The following GPC5 variants were observed in gnomAD, a reference collection of about 807,000 sequenced individuals.
The protein encoded by GPC5 is glypican-5.
Under a neutral mutation model 53.9 loss-of-function variants are expected in GPC5, and 47 were observed. The ratio of observed to expected loss-of-function variants is 0.87; its 90% confidence interval spans 0.69 to 1.11. The LOEUF is 1.11. Among genes scored for constraint, GPC5 ranks in the 50% most tolerant of loss-of-function variants. The probability of loss-of-function intolerance (pLI) is 0.00; values close to 1 mark genes in which losing one functional copy is unlikely to be tolerated. For missense variants in GPC5, 748 were observed against 713.1 expected, an observed-to-expected ratio of 1.05 and a Z score of -0.56; for synonymous variants, 286 against 263.3, an observed-to-expected ratio of 1.09 and a Z score of -0.84.
intron 5 of GPC5, among the ~76,000 whole-genome samples, chr13:91,780,996 C>T (rs910522577): frequency 2.0e-5 from 3 of 152,038 alleles, no homozygotes; most frequent in African/African-American, 4.8e-5. Flanking sequence ...GGAAGAAAAG[C>T]GAAGGAAAAG....
intron 7 of GPC5, among the ~76,000 whole-genome samples, chr13:92,417,956 A>T (rs116612466): frequency 0.016 from 2,475 of 152,328 alleles, 68 homozygotes; most frequent in African/African-American, 0.056. Context: ...ATATAATCAT[A>T]CAATAGAATC....
chr13:91,464,925 T>G (rs1882146030), intron 2 of GPC5, among the ~76,000 whole-genome samples: 1 of 152,150 alleles, frequency 6.6e-6, no homozygotes, highest in Admixed American at 6.6e-5. Flanking sequence ...ATGCTTCCCC[T>G]GGGGGAGGCT....
chr13:91,694,097 G>C (rs1054086352), intron 3 of GPC5, among the ~76,000 whole-genome samples: 1 of 152,164 alleles, frequency 6.6e-6, no homozygotes, highest in Admixed American at 6.5e-5. Flanking sequence ...CGTGGCAAGA[G>C]CTCAGGTTTG....
chr13:92,739,981 A>G (rs957166647), intron 7 of GPC5, among the ~76,000 whole-genome samples: 2 of 152,072 alleles, frequency 1.3e-5, no homozygotes, highest in African/African-American at 4.8e-5. Context: ...CAAAGTCACC[A>G]GTGACTTCCA....
chr13:92,568,398 A>G (rs1428578984), intron 7 of GPC5, among the ~76,000 whole-genome samples: 1 of 152,170 alleles, frequency 6.6e-6, no homozygotes, highest in Non-Finnish European at 1.5e-5. Flanking sequence ...TAAAAAAGAC[A>G]ATTAGATTTA....
At chr13:91,563,050 A>T (rs2031355515) in intron 2 of GPC5, among the ~76,000 whole-genome samples, 1 of 152,124 alleles carries the variant, frequency 6.6e-6, no homozygotes, top group African/African-American at 2.4e-5. Flanking sequence ...GCTTAGGTTT[A>T]TTACTATTGG....
chr13:91,572,201 GTATATATACGTGTA>G (rs2031935280), intron 2 of GPC5, among the ~76,000 whole-genome samples: 5 of 124,042 alleles, frequency 4.0e-5, no homozygotes, highest in Admixed American at 2.3e-4. Flanking sequence ...ACACACATAT[GTATATATACGTGTA>G]TATATATACA....
intron 6 of GPC5, among the ~76,000 whole-genome samples, chr13:92,060,434 C>G (rs1490652596): frequency 1.3e-5 from 2 of 151,928 alleles, no homozygotes; most frequent in African/African-American, 2.4e-5. Context: ...TTCGATTTCC[C>G]ATTATTTCAC....
intron 6 of GPC5, among the ~76,000 whole-genome samples, chr13:92,097,073 G>C (rs935449797): frequency 6.6e-6 from 1 of 152,172 alleles, no homozygotes; most frequent in Non-Finnish European, 1.5e-5. Context: ...TGTCTTAGAC[G>C]TATGAATGTT....
intron 2 of GPC5, among the ~76,000 whole-genome samples, chr13:91,621,865 A>G (rs746917265): frequency 6.0e-5 from 9 of 150,628 alleles, no homozygotes; most frequent in Non-Finnish European, 7.4e-5. Flanking sequence ...CAAGCTGAAG[A>G]GCAAGGAAGC....
intron 7 of GPC5, among the ~76,000 whole-genome samples, chr13:92,543,584 C>T (rs983737094): frequency 6.6e-6 from 1 of 151,896 alleles, no homozygotes; most frequent in South Asian, 2.1e-4. Context: ...TGCAGGGTGC[C>T]ACTTCAGTTT....
At chr13:92,010,799 A>G (rs1040179317) in intron 6 of GPC5, among the ~76,000 whole-genome samples, 2 of 152,228 alleles carry the variant, frequency 1.3e-5, no homozygotes, top group African/African-American at 4.8e-5. Context: ...CACACGAGGC[A>G]CCAACCATGA....
At chr13:92,164,549 CG>C (rs554457353) in intron 7 of GPC5, among the ~76,000 whole-genome samples, 85 of 152,290 alleles carry the variant, frequency 5.6e-4, no homozygotes, top group African/African-American at 2.0e-3. Flanking sequence ...TTCATTCCTT[CG>C]ACTTTGCAGG....
intron 7 of GPC5, chr13:92,447,051 G>A (rs1348627048): frequency 1.3e-5 from 2 of 152,062 alleles, no homozygotes; most frequent in Non-Finnish European, 1.5e-5. Context: ...CAGATATATA[G>A]TTTATAGATA....
At chr13:92,570,713 A>T (rs912888591) in intron 7 of GPC5, among the ~76,000 whole-genome samples, 3 of 152,166 alleles carry the variant, frequency 2.0e-5, no homozygotes, top group Admixed American at 6.6e-5. Flanking sequence ...TACAACCAAC[A>T]CAGCAGAACC....
chr13:91,889,320 A>G (rs1186877524), intron 5 of GPC5, among the ~76,000 whole-genome samples: 2 of 152,206 alleles, frequency 1.3e-5, no homozygotes, highest in Non-Finnish European at 2.9e-5. Context: ...TTCATTTCAT[A>G]AAATAAACTA....
intron 5 of GPC5, among the ~76,000 whole-genome samples, chr13:91,882,670 G>GTTTTTTTTTTTTTTTTTT: frequency 6.7e-5 from 4 of 59,322 alleles, no homozygotes; most frequent in African/African-American, 1.4e-4. Flanking sequence ...TGTTTTTTGG[G>GTTTTTTTTTTTTTTTTTT]TTTTTTTTTT....
chr13:92,554,339 A>T (rs1882422085), intron 7 of GPC5, among the ~76,000 whole-genome samples: 1 of 151,916 alleles, frequency 6.6e-6, no homozygotes, highest in South Asian at 2.1e-4. Flanking sequence ...TCAGTATAAC[A>T]GTGAAGCATA....
intron 6 of GPC5, among the ~76,000 whole-genome samples, chr13:91,975,170 G>C (rs2040286596): frequency 6.6e-6 from 1 of 152,008 alleles, no homozygotes; most frequent in Non-Finnish European, 1.5e-5. Flanking sequence ...AAAAACCCTA[G>C]AAGAAAACCT....
Sources: allele counts gnomAD v4.1 joint callset (sites outside exome capture counted in the v4.1 genomes callset), GRCh38; gene constraint gnomAD v4.1.1; transcripts MANE v1.5; gene names NCBI Gene and HGNC (gene_info 2026-07-23, HGNC 2026-07-21).